GMEB1: variants seen among roughly 807,000 people sequenced by gnomAD.
GMEB1 encodes the protein glucocorticoid modulatory element binding protein 1, also known as glucocorticoid modulatory element-binding protein 1.
GMEB1 carries 6 observed loss-of-function variants against 52.4 expected under a neutral mutation model. That is an observed-to-expected ratio of 0.11 (90% CI 0.06 to 0.23). The LOEUF is 0.23. Among genes scored for constraint, GMEB1 ranks in the 10% least tolerant of loss-of-function variants. The pLI is 1.00. For synonymous variants in GMEB1, 255 were observed against 244.9 expected, an observed-to-expected ratio of 1.04 and a Z score of -0.38; for missense variants, 486 against 685.6, an observed-to-expected ratio of 0.71 and a Z score of 3.25.
At chr1:28,679,121 T>C (rs1243829126) in intron 1 of GMEB1, among the ~76,000 whole-genome samples, 2 of 151,854 alleles carry the variant, frequency 1.3e-5, no homozygotes, top group South Asian at 2.1e-4. Context: ...CTTGATCTCG[T>C]GATCCGCCCG....
chr1:28,672,349 A>G (rs1474683692), intron 1 of GMEB1, among the ~76,000 whole-genome samples: 3 of 149,060 alleles, frequency 2.0e-5, no homozygotes, highest in Non-Finnish European at 4.5e-5. Flanking sequence ...CCTCCCGAGT[A>G]GCTGGGACTA....
At chr1:28,705,771 C>T (rs1166900146) in intron 8 of GMEB1, among the ~76,000 whole-genome samples, 2 of 151,738 alleles carry the variant, frequency 1.3e-5, no homozygotes, top group Admixed American at 6.6e-5. Flanking sequence ...TTTTCAGACT[C>T]TCTGTATACA....
intron 8 of GMEB1, among the ~76,000 whole-genome samples, chr1:28,705,147 AG>A (rs970058238): frequency 2.0e-5 from 3 of 150,068 alleles, no homozygotes; most frequent in African/African-American, 7.3e-5. Context: ...CCAGTACATT[AG>A]GAGGCCGAGA....
intron 6 of GMEB1, among the ~76,000 whole-genome samples, chr1:28,701,230 A>T: frequency 7.0e-6 from 1 of 143,758 alleles, no homozygotes; most frequent in African/African-American, 2.6e-5. Flanking sequence ...TGTTTGGATC[A>T]GTTTGGTTTT....
At chr1:28,680,017 A>G (rs1229183286) in intron 1 of GMEB1, among the ~76,000 whole-genome samples, 1 of 152,108 alleles carries the variant, frequency 6.6e-6, no homozygotes, top group Non-Finnish European at 1.5e-5. Context: ...CATGTTGGTC[A>G]GGCTAGTCAC....
chr1:28,694,365 AT>A (rs35634822), intron 5 of GMEB1, among the ~76,000 whole-genome samples: 5 of 146,726 alleles, frequency 3.4e-5, no homozygotes, highest in Admixed American at 6.8e-5. Context: ...TAATTTTTGT[AT>A]TTTTTTTTTA....
chr1:28,698,385 A>G (rs1670328268), intron 6 of GMEB1, among the ~76,000 whole-genome samples: 2 of 151,632 alleles, frequency 1.3e-5, no homozygotes, highest in Non-Finnish European at 2.9e-5. Context: ...TTAAAAAAAA[A>G]AAAAAGAAGC....
At chr1:28,682,783 G>A (rs1669451938) in intron 1 of GMEB1, among the ~76,000 whole-genome samples, 1 of 152,120 alleles carries the variant, frequency 6.6e-6, no homozygotes, top group South Asian at 2.1e-4. Flanking sequence ...AGGCAAAATG[G>A]CTGTTTGCAC....
chr1:28,707,370 T>C (rs1238907607), intron 8 of GMEB1, among the ~76,000 whole-genome samples: 2 of 151,998 alleles, frequency 1.3e-5, no homozygotes, highest in South Asian at 2.1e-4. Context: ...TAGACTCTTA[T>C]GGGGAAAGAG....
At chr1:28,684,345 T>C (rs1669532004) in intron 2 of GMEB1, among the ~76,000 whole-genome samples, 1 of 151,926 alleles carries the variant, frequency 6.6e-6, no homozygotes, top group South Asian at 2.1e-4. Flanking sequence ...GCGTGGATCA[T>C]GAGGTCAGGA....
chr1:28,710,293 C>CAGG, intron 8 of GMEB1, among the ~76,000 whole-genome samples: 1 of 152,300 alleles, frequency 6.6e-6, no homozygotes, highest in Middle Eastern at 3.4e-3. Flanking sequence ...GCATGTGCCA[C>CAGG]CATGCCCAGC....
chr1:28,679,067 T>G (rs1189758034), intron 1 of GMEB1, among the ~76,000 whole-genome samples: 1 of 152,010 alleles, frequency 6.6e-6, no homozygotes, highest in East Asian at 1.9e-4. Flanking sequence ...TTTGTATTTT[T>G]AGCAGAGACG....
At chr1:28,686,161 C>T (rs1480922798) in intron 2 of GMEB1, among the ~76,000 whole-genome samples, 2 of 151,018 alleles carry the variant, frequency 1.3e-5, no homozygotes, top group Admixed American at 6.6e-5. Flanking sequence ...GGCAACATGG[C>T]GAGACCCTGT....
intron 1 of GMEB1, among the ~76,000 whole-genome samples, chr1:28,669,222 G>T (rs1668764793): frequency 6.6e-6 from 1 of 151,774 alleles, no homozygotes; most frequent in Non-Finnish European, 1.5e-5. Context: ...GCCAGGAGGG[G>T]CCGGAGTGAC....
At chr1:28,683,551 A>G in intron 1 of GMEB1, 32 bp from the exon 2 acceptor site, 2 of 1,538,202 alleles carry the variant, frequency 1.3e-6, no homozygotes, top group Non-Finnish European at 1.8e-6. Context: ...TTTAAACCAG[A>G]TTAAGTTATT....
intron 9 of GMEB1, among the ~76,000 whole-genome samples, chr1:28,713,678 T>C (rs189339723): frequency 1.4e-4 from 22 of 152,284 alleles, no homozygotes; most frequent in African/African-American, 4.8e-4. Context: ...ATTCTTGCCT[T>C]GAAGGATAGT....
chr1:28,692,793 C>T, intron 4 of GMEB1, 149 bp from the exon 5 acceptor site: 1 of 414,152 alleles, frequency 2.4e-6, no homozygotes, highest in East Asian at 3.7e-5. Context: ...TTCTCTAACA[C>T]AATAGTACAG....
intron 6 of GMEB1, among the ~76,000 whole-genome samples, chr1:28,701,916 A>C (rs1180352075): frequency 6.6e-6 from 1 of 152,196 alleles, no homozygotes; most frequent in Non-Finnish European, 1.5e-5. Context: ...TGAATCTGCT[A>C]TACATGAATC....
chr1:28,670,219 G>A (rs1570368858), intron 1 of GMEB1, among the ~76,000 whole-genome samples: 1 of 151,644 alleles, frequency 6.6e-6, no homozygotes, highest in Non-Finnish European at 1.5e-5. Flanking sequence ...AGGCTGGAGT[G>A]GTGGCTCACT....
Sources: gnomAD v4.1 joint callset for allele counts (sites outside exome capture counted in the v4.1 genomes callset) on GRCh38, gnomAD v4.1.1 for gene constraint, MANE v1.5 for transcripts, NCBI Gene and HGNC (gene_info 2026-07-23, HGNC 2026-07-21) for gene names.